Variants in HIVEP1 observed in about 807,000 individuals in gnomAD.
The protein encoded by HIVEP1 is zinc finger protein 40.
A neutral mutation model predicts 180.0 loss-of-function variants in HIVEP1; 36 were observed. The ratio of observed to expected loss-of-function variants is 0.20; its 90% CI spans 0.15 to 0.26. The LOEUF is 0.26. HIVEP1 is among the 10% of genes least tolerant of loss of function. HIVEP1 has a pLI of 1.00. For missense variants in HIVEP1, 3,143 were observed against 3,268.7 expected (o/e 0.96, Z 0.94); for synonymous variants, 1,239 against 1,239.0 (o/e 1.00, Z 0.00).
At chr6:12,046,367 T>C in intron 2 of HIVEP1, among the ~76,000 whole-genome samples, 1 of 152,182 alleles carries the variant, frequency 6.6e-6, no homozygotes, top group East Asian at 1.9e-4. Flanking sequence ...AAAAAAAGTC[T>C]TGTGGCACAC....
At chr6:12,211,184 G>A in the HIVEP1 span, among the ~76,000 whole-genome samples, 29,702 of 134,444 alleles carry the variant, frequency 0.22, 3,490 homozygotes, top group East Asian at 0.3. Flanking sequence ...CGGATCACGA[G>A]GTCAGGAGAT....
At chr6:12,041,487 A>G (rs1448310694) in intron 2 of HIVEP1, among the ~76,000 whole-genome samples, 1 of 148,322 alleles carries the variant, frequency 6.7e-6, no homozygotes, top group African/African-American at 2.5e-5. Flanking sequence ...TGTATACATT[A>G]CATTCTAGCT....
chr6:12,080,486 A>C (rs957267678), intron 2 of HIVEP1, among the ~76,000 whole-genome samples: 2 of 152,192 alleles, frequency 1.3e-5, no homozygotes, highest in Non-Finnish European at 2.9e-5. Context: ...AGATATGTTA[A>C]GAGACAAAAT....
chr6:12,201,985 G>A, the HIVEP1 span, among the ~76,000 whole-genome samples: 1 of 152,062 alleles, frequency 6.6e-6, no homozygotes, highest in South Asian at 2.1e-4. Context: ...TTACAAGAAT[G>A]GTTCCCTCTA....
chr6:12,131,713 C>G (rs1413941435), intron 6 of HIVEP1, among the ~76,000 whole-genome samples: 4 of 133,294 alleles, frequency 3.0e-5, no homozygotes, highest in Non-Finnish European at 4.7e-5. Flanking sequence ...ATATGCCACT[C>G]TCTAAAAACC....
intron 3 of HIVEP1, among the ~76,000 whole-genome samples, chr6:12,111,158 TATA>T (rs942535782): frequency 4.6e-5 from 7 of 152,180 alleles, no homozygotes; most frequent in African/African-American, 1.7e-4. Flanking sequence ...CCATGACAGA[TATA>T]ATAATAATGC....
chr6:12,020,313 C>T (rs1478569395), intron 2 of HIVEP1: 2 of 471,112 alleles, frequency 4.2e-6, no homozygotes, highest in Non-Finnish European at 4.4e-6. Context: ...TTTGGAAGAG[C>T]ATGAGAGCAG....
At chr6:12,108,750 C>G (rs544211769) in intron 3 of HIVEP1, among the ~76,000 whole-genome samples, 1,608 of 152,284 alleles carry the variant, frequency 0.011, 29 homozygotes, top group African/African-American at 0.036. Flanking sequence ...CGCGCACCCC[C>G]GGTTCCCGCT....
At chr6:12,134,996 C>T (rs1758626603) in intron 6 of HIVEP1, among the ~76,000 whole-genome samples, 1 of 152,006 alleles carries the variant, frequency 6.6e-6, no homozygotes, top group Non-Finnish European at 1.5e-5. Flanking sequence ...TTCCAAGGTA[C>T]CAGAAAAAAG....
intron 3 of HIVEP1, among the ~76,000 whole-genome samples, chr6:12,090,226 C>T (rs753432297): frequency 6.6e-6 from 1 of 152,072 alleles, no homozygotes; most frequent in Non-Finnish European, 1.5e-5. Context: ...AAATAAAGTT[C>T]TCTTTATGAC....
chr6:12,050,459 A>T (rs1363679895), intron 2 of HIVEP1, among the ~76,000 whole-genome samples: 1 of 151,834 alleles, frequency 6.6e-6, no homozygotes, highest in African/African-American at 2.4e-5. Context: ...AGTGGCAGGC[A>T]CCTGTAGTCC....
At chr6:12,065,660 A>G (rs1160692982) in intron 2 of HIVEP1, among the ~76,000 whole-genome samples, 2 of 143,388 alleles carry the variant, frequency 1.4e-5, no homozygotes, top group Admixed American at 1.4e-4. Flanking sequence ...GTCTCCTCCC[A>G]GGTAGGTTTT....
intron 3 of HIVEP1, among the ~76,000 whole-genome samples, chr6:12,108,789 A>G (rs1041915682): frequency 6.6e-6 from 1 of 152,124 alleles, no homozygotes; most frequent in African/African-American, 2.4e-5. Context: ...CCTCCCTGCA[A>G]GCTGAGGGAG....
downstream of HIVEP1, among the ~76,000 whole-genome samples, chr6:12,168,831 G>A (rs1269698211): frequency 6.6e-6 from 1 of 151,996 alleles, no homozygotes; most frequent in Non-Finnish European, 1.5e-5. Flanking sequence ...AAGTGAGCAC[G>A]TTTAAAGTAG....
intron 2 of HIVEP1, among the ~76,000 whole-genome samples, chr6:12,034,536 A>G (rs1276473960): frequency 6.6e-6 from 1 of 152,198 alleles, no homozygotes; most frequent in African/African-American, 2.4e-5. Flanking sequence ...GAGAGTTAAG[A>G]CAAGCCCAAA....
chr6:12,034,967 AT>A (rs1210385976), intron 2 of HIVEP1, among the ~76,000 whole-genome samples: 1 of 152,226 alleles, frequency 6.6e-6, no homozygotes, highest in Non-Finnish European at 1.5e-5. Context: ...GGCTGGCAGC[AT>A]GTTAGAATTG....
At chr6:12,029,676 C>G (rs1768809690) in intron 2 of HIVEP1, among the ~76,000 whole-genome samples, 1 of 152,072 alleles carries the variant, frequency 6.6e-6, no homozygotes. Flanking sequence ...TAACTGAACT[C>G]TGGTAAAATA....
chr6:12,178,055 G>GAGAT, the HIVEP1 span, among the ~76,000 whole-genome samples: 34 of 152,308 alleles, frequency 2.2e-4, no homozygotes, highest in African/African-American at 7.7e-4. Flanking sequence ...TTATGACATT[G>GAGAT]AGATAGGGAA....
At chr6:12,086,506 G>C (rs919126290) in intron 2 of HIVEP1, among the ~76,000 whole-genome samples, 3 of 152,184 alleles carry the variant, frequency 2.0e-5, no homozygotes, top group African/African-American at 7.2e-5. Flanking sequence ...CATGATGGGG[G>C]ATGTCTTAGA....
Sources: gnomAD v4.1 joint callset for allele counts (sites outside exome capture counted in the v4.1 genomes callset) on GRCh38, gnomAD v4.1.1 for gene constraint, MANE v1.5 for transcripts, NCBI Gene and HGNC (gene_info 2026-07-23, HGNC 2026-07-21) for gene names.